FUT9: variants seen among roughly 807,000 people sequenced by gnomAD.
The protein encoded by FUT9 is 4-galactosyl-N-acetylglucosaminide 3-alpha-L-fucosyltransferase 9.
In FUT9, 15 loss-of-function variants were observed where a neutral mutation model predicts 29.7. The ratio of observed to expected loss-of-function variants is 0.51; its 90% CI spans 0.34 to 0.78. The LOEUF is 0.78. Among genes scored for constraint, FUT9 ranks in the 30% least tolerant of loss-of-function variants. FUT9 has a pLI of 0.01. For synonymous variants in FUT9, 169 were observed against 153.7 expected, an observed-to-expected ratio of 1.10 and a Z score of -0.74; for missense variants, 319 against 425.4, an observed-to-expected ratio of 0.75 and a Z score of 2.20.
chr6:96,134,864 G>C (rs1306470019), intron 2 of FUT9, among the ~76,000 whole-genome samples: 2 of 151,720 alleles, frequency 1.3e-5, no homozygotes, highest in Non-Finnish European at 3.0e-5. Context: ...GTCTTACTTA[G>C]TTTCCAGATA....
At chr6:96,157,807 T>G (rs924267293) in intron 2 of FUT9, among the ~76,000 whole-genome samples, 33 of 152,184 alleles carry the variant, frequency 2.2e-4, no homozygotes, top group African/African-American at 7.5e-4. Context: ...CCTTGCATTT[T>G]TTTCTCTGTT....
intron 1 of FUT9, among the ~76,000 whole-genome samples, chr6:96,088,047 T>C (rs192992539): frequency 3.3e-5 from 5 of 152,292 alleles, no homozygotes; most frequent in Admixed American, 3.3e-4. Context: ...CTTCCATTGT[T>C]TCTGATGAGA....
chr6:96,140,874 A>C (rs1342311200), intron 2 of FUT9, among the ~76,000 whole-genome samples: 4 of 152,234 alleles, frequency 2.6e-5, no homozygotes, highest in Non-Finnish European at 5.9e-5. Context: ...AAATATCTAA[A>C]GTATGTCATG....
At chr6:96,185,831 T>C (rs1773396629) in intron 2 of FUT9, among the ~76,000 whole-genome samples, 1 of 152,124 alleles carries the variant, frequency 6.6e-6, no homozygotes, top group African/African-American at 2.4e-5. Flanking sequence ...AAACTAAATA[T>C]TCACAAGATT....
chr6:96,043,258 A>G (rs1770499412), intron 1 of FUT9, among the ~76,000 whole-genome samples: 1 of 151,626 alleles, frequency 6.6e-6, no homozygotes, highest in African/African-American at 2.4e-5. Context: ...TCACCGTGTT[A>G]GCCAGGATGG....
intron 2 of FUT9, among the ~76,000 whole-genome samples, chr6:96,137,423 T>C (rs1276246328): frequency 6.6e-6 from 1 of 152,072 alleles, no homozygotes; most frequent in Non-Finnish European, 1.5e-5. Context: ...CAACAAGTTA[T>C]GTGGATACTT....
intron 1 of FUT9, among the ~76,000 whole-genome samples, chr6:96,074,966 A>G (rs536832385): frequency 6.6e-6 from 1 of 151,764 alleles, no homozygotes; most frequent in East Asian, 1.9e-4. Flanking sequence ...AATTCTTTGT[A>G]GAGACAGAGG....
chr6:96,092,080 G>A (rs1258550415), intron 1 of FUT9, among the ~76,000 whole-genome samples: 4 of 152,044 alleles, frequency 2.6e-5, no homozygotes, highest in Non-Finnish European at 5.9e-5. Context: ...TGACAAAGTA[G>A]GGTGTATCCC....
intron 1 of FUT9, among the ~76,000 whole-genome samples, chr6:96,087,315 A>G (rs1771332512): frequency 6.6e-6 from 1 of 151,076 alleles, no homozygotes; most frequent in South Asian, 2.1e-4. Flanking sequence ...AGCACTCTAC[A>G]TATGTCATGC....
At position 96,201,099 on chromosome 6, in the gene FUT9, A is replaced by G. The variant is rs1773719042; in HGVS notation, c.-8-2049A>G. On this transcript the variant is annotated intron_variant, in intron 2 of 2. Transcript: ENST00000302103. ...ATAATTTTTAAAAAAGGTGGATGGT[A>G]TTCCTAATTTATTGAATTGTTGATA... Among the ~76,000 whole-genome samples the G allele has an allele frequency of 2.6e-5, 4 of 152,046 alleles. No homozygotes were observed. In the South Asian group the frequency reaches 8.3e-4, roughly 32 times the overall value.
intron 2 of FUT9, among the ~76,000 whole-genome samples, chr6:96,170,811 G>C (rs1409690370): frequency 6.6e-6 from 1 of 152,100 alleles, no homozygotes; most frequent in Non-Finnish European, 1.5e-5. Context: ...ATTGTGCTCT[G>C]AGTCAAGTAG....
chr6:96,127,893 ATTTG>A (rs908047878), intron 2 of FUT9, among the ~76,000 whole-genome samples: 10 of 152,002 alleles, frequency 6.6e-5, no homozygotes, highest in African/African-American at 1.4e-4. Context: ...TTGCCTGTTA[ATTTG>A]TTTAAGTTCT....
intron 1 of FUT9, among the ~76,000 whole-genome samples, chr6:96,036,444 A>T (rs1770366295): frequency 6.6e-6 from 1 of 151,808 alleles, no homozygotes; most frequent in South Asian, 2.1e-4. Context: ...GGTGCAGATG[A>T]TTATTAGACA....
intron 1 of FUT9, among the ~76,000 whole-genome samples, chr6:96,104,065 A>G (rs1168191302): frequency 6.6e-6 from 1 of 152,226 alleles, no homozygotes; most frequent in East Asian, 1.9e-4. Flanking sequence ...TTTACATAAA[A>G]GTCAGAATAA....
chr6:96,048,944 T>C (rs549657597), intron 1 of FUT9, among the ~76,000 whole-genome samples: 1 of 152,298 alleles, frequency 6.6e-6, no homozygotes, highest in Non-Finnish European at 1.5e-5. Flanking sequence ...CTTCAGGAAA[T>C]TATTTACTCT....
At chr6:96,141,657 A>C (rs193144848) in intron 2 of FUT9, among the ~76,000 whole-genome samples, 2 of 152,306 alleles carry the variant, frequency 1.3e-5, no homozygotes, top group Admixed American at 1.3e-4. Context: ...AACAGTGGGA[A>C]TAGAAAATAT....
At chr6:96,182,822 A>G (rs11156277) in intron 2 of FUT9, among the ~76,000 whole-genome samples, 63,778 of 152,008 alleles carry the variant, frequency 0.42, 14,416 homozygotes, top group South Asian at 0.71. Flanking sequence ...AACCAGTACC[A>G]GGCTGTTCTG....
chr6:96,068,869 C>T (rs1317533508), intron 1 of FUT9, among the ~76,000 whole-genome samples: 1 of 151,808 alleles, frequency 6.6e-6, no homozygotes, highest in African/African-American at 2.4e-5. Flanking sequence ...AGAAAATGAA[C>T]TGGAGAAAAA....
intron 1 of FUT9, among the ~76,000 whole-genome samples, chr6:96,101,924 C>T (rs923810529): frequency 6.6e-6 from 1 of 151,496 alleles, no homozygotes; most frequent in Admixed American, 6.6e-5. Context: ...TCATTTTATC[C>T]TATGATTATT....
Sources: allele counts gnomAD v4.1 joint callset (sites outside exome capture counted in the v4.1 genomes callset), GRCh38; gene constraint gnomAD v4.1.1; transcripts MANE v1.5; gene names NCBI Gene and HGNC (gene_info 2026-07-23, HGNC 2026-07-21).